The following SLC35D2 variants were observed in gnomAD, a reference collection of about 807,000 sequenced individuals.
SLC35D2 encodes nucleotide sugar transporter SLC35D2.
Under a neutral mutation model 41.8 loss-of-function variants are expected in SLC35D2, and 43 were observed. That is an observed-to-expected ratio of 1.03 (90% CI 0.81 to 1.33). The LOEUF (loss-of-function observed/expected upper bound fraction) is 1.33. SLC35D2 is among the 40% of genes most tolerant of loss of function. The probability of loss-of-function intolerance (pLI) is 0.00; values close to 1 mark genes in which losing one functional copy is unlikely to be tolerated. For synonymous variants in SLC35D2, 150 were observed against 163.9 expected (o/e 0.92, Z 0.65); for missense variants, 380 against 408.4 (o/e 0.93, Z 0.60).
intron 7 of SLC35D2, 23 bp downstream of exon 7, chr9:96,345,276 A>G (rs751811981): frequency 7.5e-7 from 1 of 1,339,508 alleles, no homozygotes; most frequent in Non-Finnish European, 1.1e-6. Flanking sequence ...CAGAGCCAAA[A>G]AGCCATAGGC....
intron 4 of SLC35D2, 26 bp from the exon 5 acceptor site, chr9:96,352,135 C>A: frequency 6.5e-7 from 1 of 1,548,776 alleles, no homozygotes; most frequent in Non-Finnish European, 8.9e-7. Context: ...TGAAGCATGT[C>A]AGACACCAAG....
At chr9:96,321,718 T>A (rs1828238156) in intron 11 of SLC35D2, among the ~76,000 whole-genome samples, 1 of 152,050 alleles carries the variant, frequency 6.6e-6, no homozygotes. Context: ...CACCCTCCAC[T>A]TTATAGGAGG....
chr9:96,366,079 G>A (rs935999271), intron 2 of SLC35D2, among the ~76,000 whole-genome samples: 13 of 152,290 alleles, frequency 8.5e-5, no homozygotes, highest in East Asian at 5.8e-4. Context: ...AAGGTGGGCA[G>A]ATCGCTTGAG....
intron 4 of SLC35D2, among the ~76,000 whole-genome samples, chr9:96,359,862 T>A (rs1345369687): frequency 1.3e-5 from 2 of 152,144 alleles, no homozygotes; most frequent in East Asian, 3.8e-4. Flanking sequence ...CAAAATCATA[T>A]TCACACCAAC....
At chr9:96,378,998 G>A (rs1455463512) in intron 1 of SLC35D2, among the ~76,000 whole-genome samples, 1 of 151,880 alleles carries the variant, frequency 6.6e-6, no homozygotes, top group Admixed American at 6.6e-5. Flanking sequence ...TGATCCCAAA[G>A]GACCAAGAGT....
intron 9 of SLC35D2, among the ~76,000 whole-genome samples, chr9:96,335,820 G>A (rs1177084733): frequency 2.6e-5 from 4 of 152,044 alleles, no homozygotes; most frequent in African/African-American, 9.7e-5. Context: ...TTGGGAGGCT[G>A]AGGTGGGCAG....
At chr9:96,358,880 G>C (rs1051756689) in intron 4 of SLC35D2, among the ~76,000 whole-genome samples, 1 of 151,896 alleles carries the variant, frequency 6.6e-6, no homozygotes, top group Non-Finnish European at 1.5e-5. Context: ...CCAGCTACTT[G>C]GGAGGCAGGA....
chr9:96,326,288 T>G (rs1471941650), intron 9 of SLC35D2, among the ~76,000 whole-genome samples: 2 of 152,196 alleles, frequency 1.3e-5, no homozygotes, highest in African/African-American at 4.8e-5. Context: ...AGTAGGCAGC[T>G]CCCATTTGTA....
chr9:96,326,623 GA>G (rs1327864550), intron 9 of SLC35D2, among the ~76,000 whole-genome samples: 1 of 151,856 alleles, frequency 6.6e-6, no homozygotes, highest in Admixed American at 6.6e-5. Context: ...CCAACATGGT[GA>G]AACCCTGTCT....
chr9:96,353,996 G>A (rs1829918509), intron 4 of SLC35D2, among the ~76,000 whole-genome samples: 1 of 152,214 alleles, frequency 6.6e-6, no homozygotes, highest in Admixed American at 6.5e-5. Context: ...GAGAGCAGCT[G>A]CAGAAAGAAT....
At position 96,383,462 on chromosome 9, in the gene SLC35D2, CG is replaced by C; in HGVS notation, c.158+14del. ...CGCACTCCCGCAGACCCCCCGGCCC[CG>C]GGCCCCGCCTCACCCGTAGGTGGTC... On this transcript the variant is annotated intron_variant, in intron 1 of 11. Coordinates refer to ENST00000253270, the MANE Select transcript of SLC35D2 (RefSeq NM_007001.3). 1 of 1,521,350 alleles carries C rather than the reference CG, an allele frequency of 6.6e-7. No individual in the cohort carries two copies. Among genetic ancestry groups the C allele is most frequent in the Non-Finnish European group, 8.8e-7 (1 of 1,132,208 alleles). The allele number at this position is 1,521,350 out of a possible 1,614,324, so 94.2% of individuals were successfully genotyped here.
At chr9:96,358,515 G>C (rs1441432072) in intron 4 of SLC35D2, among the ~76,000 whole-genome samples, 2 of 152,118 alleles carry the variant, frequency 1.3e-5, no homozygotes, top group African/African-American at 4.8e-5. Flanking sequence ...TAAAGGACTT[G>C]TATCAAGTAA....
chr9:96,360,572 T>C (rs1243637544), intron 3 of SLC35D2, among the ~76,000 whole-genome samples: 1 of 124,082 alleles, frequency 8.1e-6, no homozygotes, highest in East Asian at 2.4e-4. Flanking sequence ...GAGGTTGCAG[T>C]GAGCCAAAAC....
intron 6 of SLC35D2, among the ~76,000 whole-genome samples, chr9:96,347,668 A>G (rs1442635870): frequency 6.6e-6 from 1 of 152,130 alleles, no homozygotes; most frequent in Non-Finnish European, 1.5e-5. Flanking sequence ...AGGCGTGTGA[A>G]CCCGAGCAAC....
chr9:96,370,333 C>T (rs1166425394), intron 1 of SLC35D2, among the ~76,000 whole-genome samples: 1 of 152,134 alleles, frequency 6.6e-6, no homozygotes, highest in Non-Finnish European at 1.5e-5. Context: ...CACAAGGCAA[C>T]AATATAAACA....
intron 1 of SLC35D2, among the ~76,000 whole-genome samples, chr9:96,379,356 G>A (rs950268525): frequency 2.7e-5 from 4 of 150,736 alleles, no homozygotes; most frequent in Non-Finnish European, 5.9e-5. Context: ...ACTCTGAAAT[G>A]CCCTTATTTT....
intron 5 of SLC35D2, among the ~76,000 whole-genome samples, chr9:96,351,451 T>C (rs1225288447): frequency 6.6e-6 from 1 of 151,928 alleles, no homozygotes; most frequent in African/African-American, 2.4e-5. Flanking sequence ...CTGGTGGATC[T>C]AGTTTGCATG....
intron 1 of SLC35D2, among the ~76,000 whole-genome samples, chr9:96,371,959 CT>C (rs1332915900): frequency 6.6e-6 from 1 of 151,896 alleles, no homozygotes; most frequent in Non-Finnish European, 1.5e-5. Flanking sequence ...ATCTCCTGAC[CT>C]CGTGATCCGC....
chr9:96,370,374 C>T (rs1012075876), intron 1 of SLC35D2, among the ~76,000 whole-genome samples: 4 of 152,086 alleles, frequency 2.6e-5, no homozygotes, highest in Non-Finnish European at 4.4e-5. Context: ...AAGGGTCACC[C>T]GGCTAGGAGT....
Sources: allele counts gnomAD v4.1 joint callset (sites outside exome capture counted in the v4.1 genomes callset), GRCh38; gene constraint gnomAD v4.1.1; transcripts MANE v1.5; gene names NCBI Gene and HGNC (gene_info 2026-07-23, HGNC 2026-07-21).